The following LRP5 variants were observed in gnomAD, a reference collection of about 807,000 sequenced individuals.
LRP5 encodes the protein low-density lipoprotein receptor-related protein 5.
A neutral mutation model predicts 154.1 loss-of-function variants in LRP5; 62 were observed. The ratio of observed to expected loss-of-function variants is 0.40; its 90% CI spans 0.33 to 0.50. The LOEUF (loss-of-function observed/expected upper bound fraction) is 0.50. Ranked by LOEUF, LRP5 falls within the 20% of genes least tolerant of loss-of-function variation. LRP5 has a pLI of 0.55. For missense variants in LRP5, 1,915 were observed against 2,336.7 expected (o/e 0.82, Z 3.72); for synonymous variants, 966 against 1,011.5 (o/e 0.96, Z 0.85).
intron 5 of LRP5, among the ~76,000 whole-genome samples, chr11:68,368,203 C>T (rs767122371): frequency 3.3e-5 from 5 of 152,296 alleles, no homozygotes; most frequent in Admixed American, 1.3e-4. Context: ...TCCCCTGCCC[C>T]GAGGCACACG....
At chr11:68,403,139 GGAGGCT>G (rs1381315253) in intron 7 of LRP5, among the ~76,000 whole-genome samples, 1 of 152,146 alleles carries the variant, frequency 6.6e-6, no homozygotes, top group African/African-American at 2.4e-5. Flanking sequence ...GAGCTACTCG[GGAGGCT>G]GAGGCAGGAG....
chr11:68,415,650 G>C (rs12789151), intron 12 of LRP5, among the ~76,000 whole-genome samples: 4,969 of 35,636 alleles, frequency 0.14, 970 homozygotes, highest in South Asian at 0.26. Context: ...GAGGCTGAGA[G>C]AGGAGAATCG....
intron 1 of LRP5, among the ~76,000 whole-genome samples, chr11:68,319,497 G>A (rs1023783365): frequency 2.0e-5 from 3 of 152,104 alleles, no homozygotes; most frequent in Admixed American, 6.5e-5. Context: ...TTACAGGCAT[G>A]AGCCGCTGTG....
At chr11:68,407,686 CA>C (rs57876439) in intron 9 of LRP5, among the ~76,000 whole-genome samples, 103,841 of 148,438 alleles carry the variant, frequency 0.7, 37,478 homozygotes, top group South Asian at 0.84. Context: ...ACTAAAAATA[CA>C]AAAAAAAAAA....
At position 68,423,402 on chromosome 11, in the gene LRP5, C is replaced by T. The variant is rs1229678514; in HGVS notation, c.3028-87C>T. The T allele has an allele frequency of 2.1e-5, 27 of 1,287,384 alleles. No homozygotes were observed. In the East Asian group the frequency reaches 3.0e-4, roughly 14 times the overall value. 79.7% of individuals were successfully genotyped at this position (1,287,384 alleles called of 1,614,324 possible). On this transcript the variant is annotated intron_variant, in intron 13 of 22. Coordinates refer to ENST00000294304, the MANE Select transcript of LRP5 (RefSeq NM_002335.4). The surrounding 1 kb of genome is among the most constrained non-coding windows in gnomAD (Gnocchi z 4.7). ...GTGCCCGGGGGTCTCCACCAGTGCC[C>T]GGGGGTCTCCGCCAGTGCCAGGGGT... is the stretch of plus-strand genomic sequence containing the variant.
chr11:68,303,741 C>T, the LRP5 span, among the ~76,000 whole-genome samples: 572 of 152,328 alleles, frequency 3.8e-3, 5 homozygotes, highest in African/African-American at 0.013. Flanking sequence ...GATCTGCCCA[C>T]CTAGGCCTCC....
At position 68,375,864 on chromosome 11, in the gene LRP5, G is replaced by C. The variant is rs2098637055; in HGVS notation, c.1015+10162G>C. On this transcript the variant is annotated intron_variant, in intron 5 of 22. Transcript: ENST00000294304. The stretch of plus-strand genomic sequence containing the variant: ...TGTGGCTGTGAAATGTAGGCCCTGT[G>C]TGCCTTGCTGACCTGGGAGGGTCGA... Among the ~76,000 whole-genome samples, 5 of 152,224 alleles carry C rather than the reference G, an allele frequency of 3.3e-5. No individual in the cohort carries two copies. The South Asian group carries it at 8.3e-4, about 25-fold the overall frequency.
At chr11:68,347,590 C>T (rs2098614202) in intron 1 of LRP5, among the ~76,000 whole-genome samples, 2 of 152,232 alleles carry the variant, frequency 1.3e-5, no homozygotes, top group Admixed American at 1.3e-4. Context: ...ACAGACGTAA[C>T]AGTTGGTAAA....
At chr11:68,319,125 G>A (rs985080924) in intron 1 of LRP5, among the ~76,000 whole-genome samples, 1 of 148,456 alleles carries the variant, frequency 6.7e-6, no homozygotes, top group African/African-American at 2.5e-5. Flanking sequence ...CGCCCAGGAT[G>A]GAGTGCGGTG....
intron 11 of LRP5, among the ~76,000 whole-genome samples, chr11:68,412,782 A>G (rs575908081): frequency 2.9e-4 from 44 of 152,262 alleles, no homozygotes; most frequent in African/African-American, 1.0e-3. Context: ...ACCTTCAGTG[A>G]CCTTGGCCCT....
intron 13 of LRP5, among the ~76,000 whole-genome samples, chr11:68,420,891 A>G (rs905504536): frequency 6.6e-6 from 1 of 152,136 alleles, no homozygotes; most frequent in Non-Finnish European, 1.5e-5. Context: ...GATTCTGGTA[A>G]GAAAGTTTGC....
chr11:68,402,359 C>T (rs546826405), intron 7 of LRP5, among the ~76,000 whole-genome samples: 6 of 152,216 alleles, frequency 3.9e-5, no homozygotes, highest in Non-Finnish European at 5.9e-5. Flanking sequence ...GTGGCTTTTG[C>T]GGTGGTTGCT....
upstream of LRP5, among the ~76,000 whole-genome samples, chr11:68,312,369 G>T (rs996588589): frequency 1.1e-4 from 17 of 151,594 alleles, no homozygotes; most frequent in Non-Finnish European, 1.6e-4. Context: ...GCCCCGCGGG[G>T]CGGAAACCCC....
chr11:68,320,996 C>T (rs910324543), intron 1 of LRP5, among the ~76,000 whole-genome samples: 2 of 151,674 alleles, frequency 1.3e-5, no homozygotes, highest in Admixed American at 6.6e-5. Flanking sequence ...ATATATCCTC[C>T]ATTATTTTCT....
At chr11:68,341,059 C>CTTTTTTTTTTTTTT (rs576462333) in intron 1 of LRP5, among the ~76,000 whole-genome samples, 1,257 of 83,198 alleles carry the variant, frequency 0.015, 135 homozygotes, top group Non-Finnish European at 0.023. Flanking sequence ...GGAGATTGTT[C>CTTTTTTTTTTTTTT]TTTTTTTTTT....
intron 1 of LRP5, among the ~76,000 whole-genome samples, chr11:68,314,711 C>G (rs1410507656): frequency 6.6e-6 from 1 of 152,226 alleles, no homozygotes; most frequent in Non-Finnish European, 1.5e-5. Context: ...CCAGGCACCC[C>G]CTCTCCCCCT....
chr11:68,327,662 G>C (rs1204498975), intron 1 of LRP5, among the ~76,000 whole-genome samples: 3 of 152,216 alleles, frequency 2.0e-5, no homozygotes, highest in Non-Finnish European at 2.9e-5. Flanking sequence ...TGAGGACTGA[G>C]TGAAGTCAGG....
chr11:68,313,327 G>C (rs1029000828), intron 1 of LRP5, among the ~76,000 whole-genome samples: 2 of 152,086 alleles, frequency 1.3e-5, no homozygotes, highest in Admixed American at 6.5e-5. Flanking sequence ...CCTGTGAGCC[G>C]CGTGGCTGTG....
chr11:68,440,545 C>T (rs994563851), intron 21 of LRP5, among the ~76,000 whole-genome samples: 3 of 152,166 alleles, frequency 2.0e-5, no homozygotes, highest in African/African-American at 4.8e-5. Flanking sequence ...GATGCCAAGG[C>T]GAGCTTGGTG....
Sources: gnomAD v4.1 joint callset for allele counts (sites outside exome capture counted in the v4.1 genomes callset) on GRCh38, gnomAD v4.1.1 for gene constraint, Gnocchi (gnomAD v3.1) non-coding constraint, MANE v1.5 for transcripts, NCBI Gene and HGNC (gene_info 2026-07-23, HGNC 2026-07-21) for gene names.